The following TMLHE variants were observed in gnomAD, a reference collection of about 807,000 sequenced individuals.
TMLHE encodes trimethyllysine dioxygenase, mitochondrial.
Under a neutral mutation model 25.7 loss-of-function variants are expected in TMLHE, and 18 were observed. The observed-to-expected ratio is 0.70, with a 90% CI of 0.48 to 1.04. The LOEUF (loss-of-function observed/expected upper bound fraction) is 1.04, where lower values mean the gene tolerates loss of function less well. Among genes scored for constraint, TMLHE ranks in the 50% least tolerant of loss-of-function variants. The pLI, the probability that TMLHE is intolerant of heterozygous loss-of-function variation, is 0.00. For synonymous variants in TMLHE, 105 were observed against 97.0 expected (o/e 1.08, Z -0.49); for missense variants, 236 against 259.0 (o/e 0.91, Z 0.61).
At chrX:155,558,986 A>T (rs1277051359) in intron 1 of TMLHE, among the ~76,000 whole-genome samples, 1 of 111,573 alleles carries the variant, frequency 9.0e-6, no homozygotes, top group African/African-American at 3.3e-5. Flanking sequence ...GCTTATTTGA[A>T]AATTTGTTTT....
chrX:155,587,840 G>T (rs2067673865), intron 1 of TMLHE, among the ~76,000 whole-genome samples: 1 of 111,601 alleles, frequency 9.0e-6, no homozygotes, highest in Non-Finnish European at 1.9e-5. Flanking sequence ...ACTGACAAAA[G>T]AAATTTAAGA....
At chrX:155,556,744 A>G (rs1486029441) in intron 1 of TMLHE, among the ~76,000 whole-genome samples, 2 of 110,543 alleles carry the variant, frequency 1.8e-5, no homozygotes, top group African/African-American at 6.6e-5. Context: ...ACCAAAATTT[A>G]TTAGGCAGGA....
In TMLHE at chrX:155,600,913, A is replaced by G. The variant is rs192574838; in HGVS notation, c.-2+11879T>C. 2.7e-5 allele frequency among the ~76,000 whole-genome samples: 3 copies of G among 112,131 alleles called. No homozygotes were observed. The Admixed American group carries it at 2.8e-4, about 11-fold the overall frequency. On this transcript the variant is annotated intron_variant, in intron 1 of 7. Coordinates refer to ENST00000334398, the MANE Select transcript of TMLHE (RefSeq NM_018196.4). ...GGTGTTTAAGCATAACATATGAACAATCACTGGATGACCACTAAAATATGG... is the reference window on the plus strand; with the variant it reads ...GGTGTTTAAGCATAACATATGAACAGTCACTGGATGACCACTAAAATATGG...
chrX:155,546,878 A>G (rs1183844990), intron 1 of TMLHE, among the ~76,000 whole-genome samples: 1 of 111,303 alleles, frequency 9.0e-6, no homozygotes, highest in Non-Finnish European at 1.9e-5. Flanking sequence ...TGGATTTTAT[A>G]TTTTTTAAGG....
At chrX:155,537,071 C>G (rs1243215965) in intron 2 of TMLHE, among the ~76,000 whole-genome samples, 2 of 112,027 alleles carry the variant, frequency 1.8e-5, no homozygotes, top group Admixed American at 9.5e-5. Flanking sequence ...ATTTACACTC[C>G]TTTCTCCTGC....
At chrX:155,603,369 T>TGAATGAAAGAAAGAAA (rs1341300723) in intron 1 of TMLHE, among the ~76,000 whole-genome samples, 122 of 99,301 alleles carry the variant, frequency 1.2e-3, no homozygotes, top group African/African-American at 4.6e-3. Context: ...AAAGAAAGAA[T>TGAATGAAAGAAAGAAA]GAAAGAAAGA....
intron 1 of TMLHE, among the ~76,000 whole-genome samples, chrX:155,548,785 G>T (rs1163000703): frequency 1.8e-5 from 2 of 110,082 alleles, no homozygotes; most frequent in East Asian, 5.6e-4. Flanking sequence ...AACAATATGT[G>T]AGCAAATAGT....
intron 3 of TMLHE, among the ~76,000 whole-genome samples, chrX:155,522,967 T>G: frequency 9.0e-6 from 1 of 111,002 alleles, no homozygotes; most frequent in Non-Finnish European, 1.9e-5. Context: ...TACATTCCCA[T>G]AAGCAATGTA....
intron 1 of TMLHE, among the ~76,000 whole-genome samples, chrX:155,594,606 A>G (rs1050379644): frequency 1.2e-4 from 14 of 112,157 alleles, no homozygotes; most frequent in Non-Finnish European, 2.6e-4. Context: ...TGGTGTGTAA[A>G]GCAATTTTAC....
intron 1 of TMLHE, among the ~76,000 whole-genome samples, chrX:155,574,769 A>G (rs963738514): frequency 5.4e-5 from 6 of 112,121 alleles, no homozygotes; most frequent in African/African-American, 1.9e-4. Context: ...AGAAATTATA[A>G]AAAAAGAAAA....
At chrX:155,578,610 T>C (rs1240454214) in intron 1 of TMLHE, among the ~76,000 whole-genome samples, 1 of 111,996 alleles carries the variant, frequency 8.9e-6, no homozygotes, top group Non-Finnish European at 1.9e-5. Flanking sequence ...ATCAATGCTA[T>C]TGCCATTGCC....
At chrX:155,607,945 G>A (rs1341362353) in intron 1 of TMLHE, among the ~76,000 whole-genome samples, 5 of 111,693 alleles carry the variant, frequency 4.5e-5, no homozygotes, top group African/African-American at 1.6e-4. Context: ...CCATGCTCAC[G>A]GATAGGAAGA....
intron 4 of TMLHE, among the ~76,000 whole-genome samples, chrX:155,513,053 T>C (rs2067128620): frequency 1.8e-5 from 2 of 111,341 alleles, no homozygotes; most frequent in Non-Finnish European, 3.8e-5. Flanking sequence ...CAGCACAGTT[T>C]CTTTCACTTG....
intron 2 of TMLHE, among the ~76,000 whole-genome samples, chrX:155,542,621 A>C (rs1209673702): frequency 1.8e-5 from 2 of 111,930 alleles, no homozygotes; most frequent in African/African-American, 6.5e-5. Context: ...ACATGCAACA[A>C]AGCAACAGTA....
chrX:155,580,505 T>C (rs191559152), intron 1 of TMLHE, among the ~76,000 whole-genome samples: 3 of 112,069 alleles, frequency 2.7e-5, no homozygotes, highest in African/African-American at 6.5e-5. Context: ...AAAAAAGCCA[T>C]TATATAAAAA....
At position 155,525,253 on chromosome X, in the gene TMLHE, G is replaced by A. The variant is rs188723932; in HGVS notation, c.182-621C>T. On this transcript the variant is annotated intron_variant, in intron 2 of 7. Transcript: ENST00000334398. ...CCCTTGCTGTTCTCCTGAATGTGAC[G>A]GAGCTCTCACGAGATCTGGTTGCTT... Among the ~76,000 whole-genome samples the A allele has an allele frequency of 2.6e-4, 29 of 111,028 alleles. No individual in the cohort carries two copies. The East Asian group carries it at 7.4e-3, about 28-fold the overall frequency.
chrX:155,526,862 C>T (rs1557336523), intron 2 of TMLHE, among the ~76,000 whole-genome samples: 1 of 112,953 alleles, frequency 8.9e-6, no homozygotes, highest in Non-Finnish European at 1.9e-5. Context: ...GCCTGTAGCC[C>T]CTTGGCTTTG....
intron 1 of TMLHE, among the ~76,000 whole-genome samples, chrX:155,605,156 T>G (rs1206190417): frequency 8.9e-6 from 1 of 111,870 alleles, no homozygotes; most frequent in Non-Finnish European, 1.9e-5. Context: ...TCCAAGGAAT[T>G]TAAGGATTAT....
chrX:155,603,676 GGTTA>G (rs1557347575), intron 1 of TMLHE, among the ~76,000 whole-genome samples: 1 of 111,898 alleles, frequency 8.9e-6, no homozygotes, highest in African/African-American at 3.2e-5. Context: ...AACAGGAAAA[GGTTA>G]GTTTTTCAAC....
Sources: gnomAD v4.1 joint callset for allele counts (sites outside exome capture counted in the v4.1 genomes callset) on GRCh38, gnomAD v4.1.1 for gene constraint, MANE v1.5 for transcripts, NCBI Gene and HGNC (gene_info 2026-07-23, HGNC 2026-07-21) for gene names.